Variants in HSD17B13 observed in about 807,000 individuals in gnomAD.
HSD17B13 encodes the protein 17-beta-hydroxysteroid dehydrogenase 13.
Under a neutral mutation model 31.1 loss-of-function variants are expected in HSD17B13, and 26 were observed. The observed-to-expected ratio is 0.84, with a 90% CI of 0.61 to 1.16. HSD17B13 has a LOEUF of 1.16. Ranked by LOEUF, HSD17B13 falls within the 50% of genes most tolerant of loss-of-function variation. HSD17B13 has a pLI of 0.00. For missense variants in HSD17B13, 374 were observed against 366.5 expected, an observed-to-expected ratio of 1.02 and a Z score of -0.17; for synonymous variants, 141 against 133.7, an observed-to-expected ratio of 1.05 and a Z score of -0.38.
intron 5 of HSD17B13, among the ~76,000 whole-genome samples, chr4:87,311,614 T>C (rs1734531780): frequency 6.6e-6 from 1 of 152,162 alleles, no homozygotes. Flanking sequence ...TAGTGTAGAA[T>C]TGTCTGTTAG....
At chr4:87,316,773 A>G (rs1042294351) in intron 3 of HSD17B13, among the ~76,000 whole-genome samples, 1 of 152,208 alleles carries the variant, frequency 6.6e-6, no homozygotes, top group Admixed American at 6.5e-5. Flanking sequence ...AAGTGACAGC[A>G]TTGAAAAGAT....
At chr4:87,310,195 A>G (rs1432198442) in intron 6 of HSD17B13, 48 bp downstream of exon 6, 1 of 1,484,930 alleles carries the variant, frequency 6.7e-7, no homozygotes, top group Non-Finnish European at 8.9e-7. Context: ...AGCAAAAAAA[A>G]AAGCTCTATT....
intron 5 of HSD17B13, among the ~76,000 whole-genome samples, chr4:87,312,235 T>G (rs1389329635): frequency 6.6e-6 from 1 of 152,156 alleles, no homozygotes; most frequent in Non-Finnish European, 1.5e-5. Context: ...ACTATAGTAT[T>G]TACTTACATA....
chr4:87,306,905 TAAAAAAA>T (rs67775053), intron 6 of HSD17B13, among the ~76,000 whole-genome samples: 6 of 44,282 alleles, frequency 1.4e-4, no homozygotes, highest in African/African-American at 6.2e-4. Flanking sequence ...AGACCCAATC[TAAAAAAA>T]AAAAAAAAAA....
At position 87,305,202 on chromosome 4, in the gene HSD17B13, G is replaced by T. The variant is rs1254601039; in HGVS notation, c.*16C>A. The T allele has an allele frequency of 5.9e-6, 9 of 1,515,650 alleles. No homozygotes were observed. The highest frequency in any genetic ancestry group is 8.2e-6 in the Non-Finnish European group (9 of 1,098,614). The allele number at this position is 1,515,650 out of a possible 1,614,324, so 93.9% of individuals were successfully genotyped here. A position where few individuals can be genotyped will look rare whatever the true frequency, so the allele number is the denominator to read the frequency against. On this transcript the variant is annotated 3_prime_UTR_variant, in exon 7 of 7. Transcript: ENST00000328546. The stretch of plus-strand genomic sequence containing the variant: ...TATCATTATCATGCATACATCTCTG[G>T]CTGGAGCTTATTTATTCATTTCATT...
At chr4:87,312,841 C>T (rs931432384) in intron 5 of HSD17B13, among the ~76,000 whole-genome samples, 1 of 151,892 alleles carries the variant, frequency 6.6e-6, no homozygotes, top group Non-Finnish European at 1.5e-5. Flanking sequence ...AGGTAGGACA[C>T]CTGAGGTCAG....
chr4:87,319,731 G>A (rs1734738507), intron 1 of HSD17B13, among the ~76,000 whole-genome samples: 2 of 152,180 alleles, frequency 1.3e-5, no homozygotes, highest in African/African-American at 4.8e-5. Flanking sequence ...GAGTGAGATG[G>A]GCAAGGCCAC....
chr4:87,321,741 A>G (rs545733877), intron 1 of HSD17B13, among the ~76,000 whole-genome samples: 1 of 152,318 alleles, frequency 6.6e-6, no homozygotes, highest in Non-Finnish European at 1.5e-5. Flanking sequence ...TTAGTTCTCT[A>G]AGTGTAAGAG....
intron 2 of HSD17B13, among the ~76,000 whole-genome samples, chr4:87,317,563 C>T (rs1345053220): frequency 6.6e-4 from 33 of 49,714 alleles, no homozygotes; most frequent in African/African-American, 1.0e-3. Flanking sequence ...TTTCTTTAAA[C>T]TTTTTTTTTT....
At chr4:87,321,247 T>C (rs917551081) in intron 1 of HSD17B13, among the ~76,000 whole-genome samples, 1 of 152,080 alleles carries the variant, frequency 6.6e-6, no homozygotes, top group Non-Finnish European at 1.5e-5. Flanking sequence ...CCCAGGCTGG[T>C]CTTGAACTCC....
At chr4:87,317,563 CT>C (rs869241617) in intron 2 of HSD17B13, among the ~76,000 whole-genome samples, 267 of 49,734 alleles carry the variant, frequency 5.4e-3, no homozygotes, top group African/African-American at 0.016. Flanking sequence ...TTTCTTTAAA[CT>C]TTTTTTTTTT....
chr4:87,310,442 A>G, intron 5 of HSD17B13, 83 bp from the exon 6 acceptor site: 3 of 1,236,894 alleles, frequency 2.4e-6, no homozygotes, highest in South Asian at 2.9e-5. Flanking sequence ...AAATTATCCT[A>G]TATTTTTACT....
chr4:87,314,834 A>G (rs974516574), intron 4 of HSD17B13, among the ~76,000 whole-genome samples: 3 of 152,218 alleles, frequency 2.0e-5, no homozygotes, highest in African/African-American at 7.2e-5. Flanking sequence ...GAAACAATGG[A>G]AACATGCTTG....
intron 4 of HSD17B13, among the ~76,000 whole-genome samples, chr4:87,314,642 C>CTT (rs58684583): frequency 3.0e-5 from 3 of 98,962 alleles, no homozygotes; most frequent in African/African-American, 2.7e-4. Flanking sequence ...CTCTCTCTCT[C>CTT]ACACACACAC....
Position 87,310,321 on chromosome 4 carries a change from C to G in HSD17B13, c.734G>C (p.Ser245Thr). Residue 245 changes from serine (S) to threonine (T), a missense_variant, in exon 6 of 7, where the codon AGT becomes ACT. Coordinates refer to ENST00000328546, the MANE Select transcript of HSD17B13 (RefSeq NM_178135.5). ...ATTGGTAAGTATTCCATCTATCAGA[C>G]TTCTTACGACTTCATCTGTCTCCAA... ...PVLETDEVVR[S>T]LIDGILTNKK... is the part of the protein sequence containing the mutation. The G allele has an allele frequency of 6.4e-7, 1 of 1,571,502 alleles. No individual in the cohort carries two copies. The highest frequency in any genetic ancestry group is 2.0e-5 in the Admixed American group (1 of 50,856).
intron 6 of HSD17B13, among the ~76,000 whole-genome samples, chr4:87,309,683 C>T (rs1734482676): frequency 6.6e-6 from 1 of 152,140 alleles, no homozygotes; most frequent in African/African-American, 2.4e-5. Flanking sequence ...TCTTTTTAAA[C>T]TGTGTTTCCT....
chr4:87,316,734 A>T (rs1200950900), intron 3 of HSD17B13, among the ~76,000 whole-genome samples: 1 of 152,162 alleles, frequency 6.6e-6, no homozygotes, highest in Non-Finnish European at 1.5e-5. Context: ...TTACAAAATC[A>T]TGGTGTGGAG....
At chr4:87,305,945 C>T (rs1387414132) in intron 6 of HSD17B13, among the ~76,000 whole-genome samples, 1 of 152,104 alleles carries the variant, frequency 6.6e-6, no homozygotes, top group Non-Finnish European at 1.5e-5. Context: ...ATAATCGTAA[C>T]CATGCATTAA....
intron 4 of HSD17B13, among the ~76,000 whole-genome samples, chr4:87,314,640 C>CTCTT (rs201683362): frequency 1.0e-4 from 14 of 135,530 alleles, no homozygotes; most frequent in African/African-American, 4.5e-4. Context: ...CTCTCTCTCT[C>CTCTT]TCACACACAC....
Sources: gnomAD v4.1 joint callset for allele counts (sites outside exome capture counted in the v4.1 genomes callset) on GRCh38, gnomAD v4.1.1 for gene constraint, MANE v1.5 for transcripts, NCBI Gene and HGNC (gene_info 2026-07-23, HGNC 2026-07-21) for gene names.